Variants in EPB41L2 observed in about 807,000 individuals in gnomAD.
EPB41L2 encodes the protein band 4.1-like protein 2.
Under a neutral mutation model 113.0 loss-of-function variants are expected in EPB41L2, and 43 were observed. That is an observed-to-expected ratio of 0.38 (90% CI 0.30 to 0.49). The LOEUF (loss-of-function observed/expected upper bound fraction) is 0.49. Ranked by LOEUF, EPB41L2 falls within the 20% of genes least tolerant of loss-of-function variation. The pLI is 0.95. For synonymous variants in EPB41L2, 442 were observed against 436.7 expected, an observed-to-expected ratio of 1.01 and a Z score of -0.15; for missense variants, 1,147 against 1,223.4, an observed-to-expected ratio of 0.94 and a Z score of 0.93.
intron 1 of EPB41L2, among the ~76,000 whole-genome samples, chr6:131,029,695 C>T (rs1313190483): frequency 3.3e-5 from 5 of 152,086 alleles, no homozygotes; most frequent in Non-Finnish European, 1.5e-5. Context: ...ACATTTACTT[C>T]GGAAAAACTT....
intron 5 of EPB41L2, among the ~76,000 whole-genome samples, chr6:130,906,159 C>A (rs953256791): frequency 3.9e-5 from 6 of 152,160 alleles, no homozygotes; most frequent in African/African-American, 1.4e-4. Flanking sequence ...AAAGTTATCA[C>A]AGGATTATCA....
At chr6:130,910,587 G>A (rs1034226884) in intron 4 of EPB41L2, among the ~76,000 whole-genome samples, 33 of 152,274 alleles carry the variant, frequency 2.2e-4, no homozygotes, top group African/African-American at 5.3e-4. Flanking sequence ...AGAGTGAACA[G>A]GTAACCTACA....
At chr6:130,918,653 AT>A (rs147539574) in intron 4 of EPB41L2, among the ~76,000 whole-genome samples, 7,616 of 152,256 alleles carry the variant, frequency 0.05, 338 homozygotes, top group African/African-American at 0.12. Context: ...TGTCTCAACC[AT>A]GAGAGATATA....
At chr6:131,004,594 TCC>T (rs1785042730) in intron 1 of EPB41L2, among the ~76,000 whole-genome samples, 1 of 152,138 alleles carries the variant, frequency 6.6e-6, no homozygotes, top group Non-Finnish European at 1.5e-5. Flanking sequence ...ACATGTGCTC[TCC>T]AGAGGAAGAA....
intron 1 of EPB41L2, among the ~76,000 whole-genome samples, chr6:130,980,476 TCCTGACC>T: frequency 6.7e-6 from 1 of 149,794 alleles, no homozygotes; most frequent in South Asian, 2.1e-4. Flanking sequence ...AGGAGGAACA[TCCTGACC>T]CCACAGGCCA....
rs575352042 is a variant in EPB41L2 at position 131,018,243 on chromosome 6, G to A, written c.-15+44912C>T. 2.6e-4 allele frequency among the ~76,000 whole-genome samples: 39 copies of A among 152,136 alleles called. 1 individual carries two copies. The highest frequency in any genetic ancestry group is 1.0e-3 in the South Asian group (5 of 4,802). On this transcript the variant is annotated intron_variant, in intron 1 of 19. Coordinates refer to ENST00000337057, the MANE Select transcript of EPB41L2 (RefSeq NM_001431.4). ...TTTTCACCTCTGCAAGACAGCTGCCGCAGCTCTAAACATTATGTCCACTTC... is the reference window on the plus strand; with the variant it reads ...TTTTCACCTCTGCAAGACAGCTGCCACAGCTCTAAACATTATGTCCACTTC...
At chr6:131,031,296 GA>G (rs924396667) in intron 1 of EPB41L2, among the ~76,000 whole-genome samples, 1 of 151,526 alleles carries the variant, frequency 6.6e-6, no homozygotes, top group African/African-American at 2.4e-5. Context: ...AATATACAGA[GA>G]TTTTTTTTTT....
intron 1 of EPB41L2, among the ~76,000 whole-genome samples, chr6:130,975,042 T>C (rs1318148912): frequency 6.6e-6 from 1 of 152,162 alleles, no homozygotes; most frequent in Admixed American, 6.5e-5. Context: ...TGAAATAACA[T>C]GTGAGGTTAC....
chr6:130,959,534 G>C (rs575692579), intron 1 of EPB41L2, among the ~76,000 whole-genome samples: 2 of 152,152 alleles, frequency 1.3e-5, no homozygotes, highest in Non-Finnish European at 2.9e-5. Flanking sequence ...GCAATGCTAC[G>C]TAAGAGGGAA....
intron 1 of EPB41L2, among the ~76,000 whole-genome samples, chr6:131,017,521 T>C (rs540989397): frequency 6.6e-6 from 1 of 152,236 alleles, no homozygotes; most frequent in Admixed American, 6.5e-5. Flanking sequence ...TAGCTCTATG[T>C]AGTTCATATG....
At chr6:131,015,867 G>C (rs1788075205) in intron 1 of EPB41L2, 1 of 151,834 alleles carries the variant, frequency 6.6e-6, no homozygotes, top group African/African-American at 2.4e-5. Context: ...AGTAAGTTCA[G>C]GTGTTTTATT....
intron 19 of EPB41L2, among the ~76,000 whole-genome samples, chr6:130,848,424 T>C (rs1451435774): frequency 6.6e-6 from 1 of 152,232 alleles, no homozygotes; most frequent in Non-Finnish European, 1.5e-5. Context: ...TATGTAATTT[T>C]AATGTAGTTA....
chr6:130,895,042 A>C lies in EPB41L2; in HGVS notation c.1314T>G (p.Asn438Lys). 3.1e-6 allele frequency: 5 copies of C among 1,614,076 alleles called. No homozygotes were observed. Among genetic ancestry groups the C allele is most frequent in the Non-Finnish European group, 4.2e-6 (5 of 1,179,932 alleles). ...TTAAGATTTTCGGCCAAGCAAAACG[A>C]TTGATTCGCAGTCTGTCTTTGTAAA... The part of the protein sequence containing the change: ...LLIYKDRLRI[N>K]RFAWPKILKI... Residue 438 changes from asparagine to lysine, a missense_variant, in exon 9 of 20, where the codon AAT becomes AAG. By Grantham distance (94) the Asn-to-Lys change is moderately conservative (BLOSUM62 0). Coordinates refer to ENST00000337057, the MANE Select transcript of EPB41L2 (RefSeq NM_001431.4).
intron 4 of EPB41L2, among the ~76,000 whole-genome samples, chr6:130,910,255 T>C (rs1798954462): frequency 6.6e-6 from 1 of 151,998 alleles, no homozygotes; most frequent in Admixed American, 6.6e-5. Context: ...TTTTGACAAA[T>C]GTGACAAAAA....
chr6:131,042,171 T>C (rs1256007497), intron 1 of EPB41L2, among the ~76,000 whole-genome samples: 1 of 152,086 alleles, frequency 6.6e-6, no homozygotes, highest in Non-Finnish European at 1.5e-5. Context: ...ATAAAAAGTA[T>C]TTTTTTAAAA....
At chr6:130,897,671 T>C (rs1795068943) in intron 8 of EPB41L2, among the ~76,000 whole-genome samples, 1 of 152,174 alleles carries the variant, frequency 6.6e-6, no homozygotes, top group South Asian at 2.1e-4. Context: ...TTTTCCTTCC[T>C]CCCTATTTCT....
chr6:130,867,241 A>C (rs1784069268), intron 16 of EPB41L2, among the ~76,000 whole-genome samples: 1 of 152,228 alleles, frequency 6.6e-6, no homozygotes, highest in African/African-American at 2.4e-5. Context: ...TCATATGTAC[A>C]GTTCCCCTAT....
In EPB41L2 at chr6:130,871,961, A is replaced by T. The variant is rs960652895; in HGVS notation, c.2044-1835T>A. ...AGGGTCATTCAAAAGCAATTATGTC[A>T]TGGAGCATGGGAGGCACTTCAGATT... On this transcript the variant is annotated intron_variant, in intron 14 of 19. Transcript: ENST00000337057. 5.9e-5 allele frequency among the ~76,000 whole-genome samples: 9 copies of T among 152,178 alleles called. No homozygotes were observed. The East Asian group carries it at 7.7e-4, about 13-fold the overall frequency.
At chr6:130,934,295 A>T (rs1808002643) in intron 3 of EPB41L2, among the ~76,000 whole-genome samples, 1 of 152,206 alleles carries the variant, frequency 6.6e-6, no homozygotes, top group Non-Finnish European at 1.5e-5. Context: ...ACATAATTCC[A>T]GTAGTAAATG....
Sources: allele counts gnomAD v4.1 joint callset (sites outside exome capture counted in the v4.1 genomes callset), GRCh38; gene constraint gnomAD v4.1.1; transcripts MANE v1.5; gene names NCBI Gene and HGNC (gene_info 2026-07-23, HGNC 2026-07-21).